The following NRDE2 variants were observed in gnomAD, a reference collection of about 807,000 sequenced individuals.
NRDE2 encodes NRDE-2, necessary for RNA interference, domain containing, also known as nuclear exosome regulator NRDE2.
Under a neutral mutation model 124.2 loss-of-function variants are expected in NRDE2, and 76 were observed. The ratio of observed to expected loss-of-function variants is 0.61; its 90% confidence interval spans 0.51 to 0.74. The LOEUF (loss-of-function observed/expected upper bound fraction) is 0.74, where lower values mean the gene tolerates loss of function less well. Among genes scored for constraint, NRDE2 ranks in the 30% least tolerant of loss-of-function variants. The pLI, the probability that NRDE2 is intolerant of heterozygous loss-of-function variation, is 0.00. For missense variants in NRDE2, 1,314 were observed against 1,417.3 expected, an observed-to-expected ratio of 0.93 and a Z score of 1.17; for synonymous variants, 489 against 528.1, an observed-to-expected ratio of 0.93 and a Z score of 1.01.
chr14:90,314,093 T>G (rs920410452), intron 3 of NRDE2, among the ~76,000 whole-genome samples: 1 of 152,170 alleles, frequency 6.6e-6, no homozygotes. Flanking sequence ...GGTACTGAGC[T>G]AAGGAAGCAG....
Position 90,278,556 on chromosome 14 carries a change from G to A in NRDE2, c.3370-95C>T, listed in dbSNP as rs1891864304. 2.0e-6 allele frequency: 3 copies of A among 1,520,314 alleles called. No individual in the cohort carries two copies. In the East Asian group the frequency reaches 6.8e-5, roughly 35 times the overall value. The allele number at this position is 1,520,314 out of a possible 1,614,324, so 94.2% of individuals were successfully genotyped here. On this transcript the variant is annotated intron_variant, in intron 13 of 13. Coordinates refer to ENST00000354366, the MANE Select transcript of NRDE2 (RefSeq NM_017970.4). Reference sequence around the variant, plus strand: ...CAAGGGCCAGGTTCCTGGTGACCCTGCCCTCCTGTCGCCCTCCACGGCCCC... The same window carrying A: ...CAAGGGCCAGGTTCCTGGTGACCCTACCCTCCTGTCGCCCTCCACGGCCCC...
rs532755336 is a variant in NRDE2 at position 90,284,573 on chromosome 14, C to T, written c.3297+1781G>A. ...TAGTAGTGACGGGGTTTCGCCATGT[C>T]GGCCAGGCTGGTCTCGAACTCCTGA... On this transcript the variant is annotated intron_variant, in intron 12 of 13. Transcript: ENST00000354366. 2.6e-4 allele frequency among the ~76,000 whole-genome samples: 40 copies of T among 152,024 alleles called. No individual in the cohort carries two copies. The South Asian group carries it at 7.7e-3, about 29-fold the overall frequency.
chr14:90,316,595 CT>C lies in NRDE2; in HGVS notation c.389del (p.Lys130ArgfsTer29). 6.2e-7 allele frequency: 1 copy of C among 1,611,796 alleles called. No individual in the cohort carries two copies. Among genetic ancestry groups the C allele is most frequent in the South Asian group, 1.1e-5 (1 of 90,542 alleles). ...CAACCTACTTCGGTTCCTCAGATTC[CT>C]TTTTACTGCCTCCAACGCCTCTGGA... ...KPSRGVGGSK[K>X]ESEEPNQGNN... On this transcript the variant is annotated frameshift_variant, in exon 3 of 14. Coordinates refer to ENST00000354366, the MANE Select transcript of NRDE2 (RefSeq NM_017970.4). LOFTEE classifies it high-confidence loss of function.
At chr14:90,286,958 C>T (rs1360193811) in intron 11 of NRDE2, among the ~76,000 whole-genome samples, 1 of 132,012 alleles carries the variant, frequency 7.6e-6, no homozygotes, top group Non-Finnish European at 1.6e-5. Flanking sequence ...TGCTTGAACC[C>T]GGGAGGCGGA....
At chr14:90,308,964 C>T (rs1235856059) in intron 4 of NRDE2, among the ~76,000 whole-genome samples, 1 of 152,038 alleles carries the variant, frequency 6.6e-6, no homozygotes. Flanking sequence ...ACCCACAGGC[C>T]GGGCGTGGTG....
chr14:90,271,488 G>A lies in NRDE2; in HGVS notation c.*6848C>T, dbSNP rs2139653132. The stretch of plus-strand genomic sequence containing the variant: ...AATTACTGAGAAATTAAATATATTG[G>A]AATAAATGCTATACTCTGTAGTATT... On this transcript the variant is annotated 3_prime_UTR_variant, in exon 14 of 14. Transcript: ENST00000354366. 1 of 152,058 alleles carries A rather than the reference G, an allele frequency of 6.6e-6. No individual in the cohort carries two copies. The highest frequency in any genetic ancestry group is 2.4e-5 in the African/African-American group (1 of 41,474). The allele number at this position is 152,058 out of a possible 1,614,324, so 9.4% of individuals were successfully genotyped here.
At chr14:90,328,005 T>C (rs1885508628) in intron 1 of NRDE2, among the ~76,000 whole-genome samples, 1 of 151,916 alleles carries the variant, frequency 6.6e-6, no homozygotes, top group Non-Finnish European at 1.5e-5. Flanking sequence ...TAGCCAGGCG[T>C]GGTGGCAAGC....
chr14:90,313,979 G>A (rs961000359), intron 3 of NRDE2, among the ~76,000 whole-genome samples: 5 of 152,170 alleles, frequency 3.3e-5, no homozygotes, highest in Non-Finnish European at 7.3e-5. Context: ...CAAACTGATT[G>A]ATGCATTTGA....
chr14:90,324,741 T>C (rs1032074555), intron 1 of NRDE2, among the ~76,000 whole-genome samples: 11 of 151,960 alleles, frequency 7.2e-5, no homozygotes, highest in African/African-American at 2.7e-4. Context: ...CCTGACTCTG[T>C]GACTTACTAA....
rs375941233 is a variant in NRDE2 at position 90,276,217 on chromosome 14, G to GTA, written c.*2118_*2119insTA. The GTA allele has an allele frequency of 7.6e-5, 9 of 118,686 alleles. No individual in the cohort carries two copies. The Admixed American group carries it at 8.9e-4, about 12-fold the overall frequency. 7.4% of individuals were successfully genotyped at this position (118,686 alleles called of 1,614,324 possible). A position where few individuals can be genotyped will look rare whatever the true frequency, so the allele number is the denominator to read the frequency against. ...TCATGTCAGCAATCTCAAACGGGCT[G>GTA]TTTTTTTTTTTTTTTTTTCGAGACG... On this transcript the variant is annotated 3_prime_UTR_variant, in exon 14 of 14. Coordinates refer to ENST00000354366, the MANE Select transcript of NRDE2 (RefSeq NM_017970.4).
At chr14:90,304,747 C>G (rs1193606460) in intron 4 of NRDE2, 1 of 180,062 alleles carries the variant, frequency 5.6e-6, no homozygotes, top group African/African-American at 2.4e-5. Context: ...ATTATCATCC[C>G]TTCTCTTAAC....
intron 6 of NRDE2, among the ~76,000 whole-genome samples, chr14:90,302,442 G>A (rs1263956041): frequency 3.9e-5 from 6 of 152,152 alleles, no homozygotes; most frequent in Non-Finnish European, 8.8e-5. Context: ...GCCACCGACT[G>A]CCAAAGCAGT....
intron 12 of NRDE2, among the ~76,000 whole-genome samples, chr14:90,284,473 C>T (rs1595055366): frequency 1.3e-5 from 2 of 151,948 alleles, no homozygotes; most frequent in East Asian, 3.9e-4. Context: ...TCAAGCGATT[C>T]TCCTGCCTGA....
chr14:90,269,557 T>G lies in NRDE2; in HGVS notation c.*8779A>C, dbSNP rs201257448. The G allele has an allele frequency of 5.0e-5, 81 of 1,612,470 alleles. No individual in the cohort carries two copies. The African/African-American group carries it at 5.5e-4, about 11-fold the overall frequency. The stretch of plus-strand genomic sequence containing the variant: ...AGCACTTATCAGACCAGGTTAAATT[T>G]GCTTTGGTTTCATCATGGAGATTAA... On this transcript the variant is annotated 3_prime_UTR_variant, in exon 14 of 14. Transcript: ENST00000354366.
intron 2 of NRDE2, among the ~76,000 whole-genome samples, 175 bp from the exon 3 acceptor site, chr14:90,316,986 A>T (rs1300673534): frequency 6.6e-6 from 1 of 152,240 alleles, no homozygotes; most frequent in Non-Finnish European, 1.5e-5. Context: ...TGCAAGACTT[A>T]GGAATTGGAT....
intron 8 of NRDE2, among the ~76,000 whole-genome samples, chr14:90,296,757 T>C (rs1407730823): frequency 6.7e-6 from 1 of 149,392 alleles, no homozygotes; most frequent in Non-Finnish European, 1.5e-5. Flanking sequence ...TGGAACTGCC[T>C]TTCGGGGAGT....
In NRDE2 at chr14:90,288,639, G is replaced by T. The variant is rs758027424; in HGVS notation, c.2736C>A (p.Leu912=). Residue 912 remains leucine, a synonymous_variant, in exon 11 of 14, where the codon CTC becomes CTA. Transcript: ENST00000354366. The part of the protein sequence containing the change: ...RLISLAKCFM[L]FQYLTIGIDA... ...CAATCCCTATGGTCAAATACTGGAA[G>T]AGCATGAAGCATTTAGCCAGGCTAA... 6.2e-7 allele frequency: 1 copy of T among 1,614,150 alleles called. No individual in the cohort carries two copies. The highest frequency in any genetic ancestry group is 8.5e-7 in the Non-Finnish European group (1 of 1,180,046).
At chr14:90,301,452 T>C (rs771918732) in intron 6 of NRDE2, 80 bp from the exon 7 acceptor site, 60 of 1,384,796 alleles carry the variant, frequency 4.3e-5, no homozygotes, top group Non-Finnish European at 5.9e-5. Context: ...AAACAGGCAA[T>C]TAACACATTG....
At chr14:90,285,208 T>C (rs1294424608) in intron 12 of NRDE2, among the ~76,000 whole-genome samples, 1 of 145,730 alleles carries the variant, frequency 6.9e-6, no homozygotes, top group Non-Finnish European at 1.5e-5. Context: ...GAGGCAGAGG[T>C]TGCAGTGAGC....
Sources: gnomAD v4.1 joint callset for allele counts (sites outside exome capture counted in the v4.1 genomes callset) on GRCh38, gnomAD v4.1.1 for gene constraint, MANE v1.5 for transcripts, NCBI Gene and HGNC (gene_info 2026-07-23, HGNC 2026-07-21) for gene names.